Variants in SPATS2L observed in about 807,000 individuals in gnomAD.
SPATS2L encodes SPATS2-like protein.
A neutral mutation model predicts 59.6 loss-of-function variants in SPATS2L; 30 were observed. That is an observed-to-expected ratio of 0.50 (90% CI 0.38 to 0.68). The LOEUF is 0.68. Ranked by LOEUF, SPATS2L falls within the 30% of genes least tolerant of loss-of-function variation. SPATS2L has a pLI of 0.00. For synonymous variants in SPATS2L, 252 were observed against 263.5 expected (o/e 0.96, Z 0.42); for missense variants, 615 against 700.0 (o/e 0.88, Z 1.37).
chr2:200,320,799 A>G (rs1346172947), intron 1 of SPATS2L, among the ~76,000 whole-genome samples: 1 of 152,228 alleles, frequency 6.6e-6, no homozygotes, highest in African/African-American at 2.4e-5. Flanking sequence ...TCTGTGCTAT[A>G]TTTTATTGTA....
At chr2:200,466,523 C>G (rs1451391078) in intron 9 of SPATS2L, among the ~76,000 whole-genome samples, 1 of 152,190 alleles carries the variant, frequency 6.6e-6, no homozygotes, top group East Asian at 1.9e-4. Context: ...CTATTTGAAC[C>G]TTTAGTTCAT....
At chr2:200,365,764 C>T (rs2081249276) in intron 2 of SPATS2L, among the ~76,000 whole-genome samples, 1 of 152,104 alleles carries the variant, frequency 6.6e-6, no homozygotes, top group Non-Finnish European at 1.5e-5. Flanking sequence ...CTCATCTCAC[C>T]CCCAACTCAA....
chr2:200,341,351 A>T (rs986220120), intron 2 of SPATS2L, among the ~76,000 whole-genome samples: 1 of 152,224 alleles, frequency 6.6e-6, no homozygotes, highest in African/African-American at 2.4e-5. Flanking sequence ...AACCTCTGAG[A>T]ACCTAAGTTT....
intron 2 of SPATS2L, among the ~76,000 whole-genome samples, chr2:200,342,697 A>G (rs1408366482): frequency 2.6e-5 from 4 of 152,212 alleles, no homozygotes; most frequent in Non-Finnish European, 5.9e-5. Flanking sequence ...GGTACTGCAT[A>G]CCCAGGGTCA....
intron 1 of SPATS2L, among the ~76,000 whole-genome samples, chr2:200,313,384 G>A (rs2079257059): frequency 6.6e-6 from 1 of 152,070 alleles, no homozygotes; most frequent in Non-Finnish European, 1.5e-5. Context: ...AAGCCTTCAC[G>A]GATAACTATT....
At chr2:200,384,768 C>G (rs1042415813) in intron 2 of SPATS2L, among the ~76,000 whole-genome samples, 5 of 152,224 alleles carry the variant, frequency 3.3e-5, no homozygotes, top group East Asian at 1.9e-4. Context: ...TCCTTGATCT[C>G]TATTTTTCTT....
At chr2:200,410,893 A>ATTC (rs1043185801) in intron 3 of SPATS2L, among the ~76,000 whole-genome samples, 2 of 152,112 alleles carry the variant, frequency 1.3e-5, no homozygotes, top group Non-Finnish European at 2.9e-5. Flanking sequence ...GATGACACAG[A>ATTC]GAAGTAAGAA....
At chr2:200,328,117 C>G (rs1256702225) in intron 1 of SPATS2L, among the ~76,000 whole-genome samples, 1 of 152,160 alleles carries the variant, frequency 6.6e-6, no homozygotes. Context: ...CTACCCCTTC[C>G]CAGTCTGCTG....
intron 2 of SPATS2L, among the ~76,000 whole-genome samples, chr2:200,380,430 G>T (rs977700704): frequency 6.6e-6 from 1 of 152,220 alleles, no homozygotes; most frequent in African/African-American, 2.4e-5. Context: ...AGCACTCGGG[G>T]CTGTTGAGTG....
intron 2 of SPATS2L, among the ~76,000 whole-genome samples, chr2:200,388,996 A>G (rs564315839): frequency 2.0e-5 from 3 of 152,324 alleles, no homozygotes; most frequent in East Asian, 1.9e-4. Flanking sequence ...GTCGTTTTTC[A>G]TGTCAATACA....
At chr2:200,462,967 C>T (rs1239180469) in intron 9 of SPATS2L, among the ~76,000 whole-genome samples, 1 of 151,766 alleles carries the variant, frequency 6.6e-6, no homozygotes, top group Non-Finnish European at 1.5e-5. Flanking sequence ...ATATCCATCT[C>T]AAGTAGTTAT....
chr2:200,439,163 A>G lies in SPATS2L; in HGVS notation c.487A>G (p.Asn163Asp). Reference protein sequence around the residue: ...LLQQKLSLDGNPKPIHGTTER... With the variant: ...LLQQKLSLDGDPKPIHGTTER... ...GCAACAGAAACTATCCTTAGATGGG[A>G]ACCCCAAACCTATACATGGAACAAC... is the stretch of plus-strand genomic sequence containing the variant. Residue 163 changes from asparagine (N) to aspartate (D), a missense_variant, in exon 7 of 13, where the codon AAC (asparagine) becomes GAC (aspartate). Asn to Asp is a conservative substitution (Grantham distance 23, BLOSUM62 1). This residue lies in a region of SPATS2L where 227 missense variants were observed against 257.4 expected (regional missense o/e 0.88). Coordinates refer to ENST00000409140, the MANE Select transcript of SPATS2L (RefSeq NM_001100423.2). The G allele has an allele frequency of 6.2e-7, 1 of 1,613,746 alleles. No individual in the cohort carries two copies. The highest frequency in any genetic ancestry group is 8.5e-7 in the Non-Finnish European group (1 of 1,179,730).
chr2:200,307,597 G>A (rs1174838640), intron 1 of SPATS2L, among the ~76,000 whole-genome samples: 1 of 152,168 alleles, frequency 6.6e-6, no homozygotes, highest in Non-Finnish European at 1.5e-5. Context: ...GAGTCCGCGG[G>A]CTGCGGACCC....
rs575114541 is a variant in SPATS2L, at chr2:200,466,081, A to G, written c.848-1209A>G. ...CAGTCTGTCTAAAGAATGGTTTATG[A>G]TTTGCAGGGAATCTTAACTCTTGAT... On this transcript the variant is annotated intron_variant, in intron 9 of 12. Coordinates refer to ENST00000409140, the MANE Select transcript of SPATS2L (RefSeq NM_001100423.2). Among the ~76,000 whole-genome samples, 148 of 152,290 alleles carry G rather than the reference A, an allele frequency of 9.7e-4. 2 individuals carry two copies. In the South Asian group the frequency reaches 0.03, roughly 31 times the overall value.
chr2:200,316,494 G>A (rs913696850), intron 1 of SPATS2L, among the ~76,000 whole-genome samples: 29 of 152,196 alleles, frequency 1.9e-4, no homozygotes, highest in African/African-American at 6.5e-4. Flanking sequence ...ACCAGTTTAG[G>A]CCCTTTCCAG....
chr2:200,478,229 A>C lies in SPATS2L; in HGVS notation c.*198A>C. On this transcript the variant is annotated 3_prime_UTR_variant, in exon 13 of 13. Transcript: ENST00000409140. The stretch of plus-strand genomic sequence containing the variant: ...TTTCATGGCTTTGCTTGATCTGTTG[A>C]TGCTTTCTCTCATCAAGACTTTGCA... The C allele has an allele frequency of 2.0e-6, 1 of 488,112 alleles. No individual in the cohort carries two copies. The highest frequency in any genetic ancestry group is 5.6e-5 in the South Asian group (1 of 17,854). 30.2% of individuals were successfully genotyped at this position (488,112 alleles called of 1,614,324 possible). A position where few individuals can be genotyped will look rare whatever the true frequency, so the allele number is the denominator to read the frequency against.
At chr2:200,443,983 C>T (rs1281715260) in intron 8 of SPATS2L, among the ~76,000 whole-genome samples, 2 of 152,140 alleles carry the variant, frequency 1.3e-5, no homozygotes, top group African/African-American at 4.8e-5. Flanking sequence ...GGCTGCATGA[C>T]CATAACAGAG....
At chr2:200,311,521 A>G (rs2105745519) in intron 1 of SPATS2L, among the ~76,000 whole-genome samples, 1 of 152,366 alleles carries the variant, frequency 6.6e-6, no homozygotes, top group South Asian at 2.1e-4. Flanking sequence ...TATCAGTTAT[A>G]TAAAAGTTCA....
rs71405320 is a variant in SPATS2L, at chr2:200,419,735, TG to T, written c.445+242del. Reference sequence around the variant, plus strand: ...ATTTTTTTTTTTTTTTTTTTGAGTCTGGGTCTTGCTGTGCAAGGCTAGAGTG... The same window carrying T: ...ATTTTTTTTTTTTTTTTTTTGAGTCTGGTCTTGCTGTGCAAGGCTAGAGTG... On this transcript the variant is annotated intron_variant, in intron 6 of 12. Coordinates refer to ENST00000409140, the MANE Select transcript of SPATS2L (RefSeq NM_001100423.2). Among the ~76,000 whole-genome samples, 1,032 of 146,188 alleles carry T rather than the reference TG, an allele frequency of 7.1e-3. 11 individuals are homozygous for T. Among genetic ancestry groups the T allele is most frequent in the Non-Finnish European group, 0.011 (732 of 66,808 alleles).
Sources: allele counts gnomAD v4.1 joint callset (sites outside exome capture counted in the v4.1 genomes callset), GRCh38; gene constraint gnomAD v4.1.1; regional missense constraint gnomAD v4.1.1; transcripts MANE v1.5; gene names NCBI Gene and HGNC (gene_info 2026-07-23, HGNC 2026-07-21).